Variants in PTPRD observed in about 807,000 individuals in gnomAD.
PTPRD encodes the protein receptor-type tyrosine-protein phosphatase delta.
PTPRD carries 34 observed loss-of-function variants against 214.5 expected under a neutral mutation model. The observed-to-expected ratio is 0.16, with a 90% CI of 0.12 to 0.21. PTPRD has a LOEUF of 0.21. Among genes scored for constraint, PTPRD ranks in the 10% least tolerant of loss-of-function variants. The probability of loss-of-function intolerance (pLI) is 1.00; values close to 1 mark genes in which losing one functional copy is unlikely to be tolerated. For synonymous variants in PTPRD, 1,128 were observed against 845.7 expected (o/e 1.33, Z -5.79); for missense variants, 2,545 against 2,398.7 (o/e 1.06, Z -1.27).
At chr9:8,852,834 T>C (rs1349093879) in intron 11 of PTPRD, among the ~76,000 whole-genome samples, 3 of 152,188 alleles carry the variant, frequency 2.0e-5, no homozygotes, top group Non-Finnish European at 2.9e-5. Context: ...AGTATTAATA[T>C]GGTCCTGTTA....
At chr9:8,383,885 T>C (rs2086038955) in intron 37 of PTPRD, among the ~76,000 whole-genome samples, 1 of 152,192 alleles carries the variant, frequency 6.6e-6, no homozygotes, top group South Asian at 2.1e-4. Context: ...TCAGATATAT[T>C]CTAACCCTGA....
At chr9:9,259,240 G>A (rs1035858344) in intron 9 of PTPRD, among the ~76,000 whole-genome samples, 1 of 151,838 alleles carries the variant, frequency 6.6e-6, no homozygotes, top group Non-Finnish European at 1.5e-5. Context: ...ATAGCCCAGG[G>A]TTCTTTATAA....
At chr9:8,929,780 G>GTATATATGTCTATATATAT (rs1272978143) in intron 11 of PTPRD, among the ~76,000 whole-genome samples, 1 of 82,422 alleles carries the variant, frequency 1.2e-5, no homozygotes, top group Non-Finnish European at 2.2e-5. Context: ...TATATATATG[G>GTATATATGTCTATATATAT]GTGTGTATAT....
intron 11 of PTPRD, among the ~76,000 whole-genome samples, chr9:8,779,391 C>T (rs1227619905): frequency 6.6e-6 from 1 of 151,968 alleles, no homozygotes; most frequent in African/African-American, 2.4e-5. Flanking sequence ...TTCAACATCA[C>T]ATGTCATGGG....
chr9:9,898,891 C>T (rs538977016), intron 5 of PTPRD, among the ~76,000 whole-genome samples: 5 of 151,980 alleles, frequency 3.3e-5, no homozygotes, highest in African/African-American at 1.2e-4. Context: ...TATGAGTTTA[C>T]GCATATCCCA....
chr9:8,443,109 C>A (rs1202799528), intron 34 of PTPRD, among the ~76,000 whole-genome samples: 3 of 152,210 alleles, frequency 2.0e-5, no homozygotes, highest in South Asian at 2.1e-4. Context: ...TGTGCCACTG[C>A]ACTCGAGCCT....
At chr9:9,699,740 G>C (rs1319473670) in intron 7 of PTPRD, among the ~76,000 whole-genome samples, 1 of 152,134 alleles carries the variant, frequency 6.6e-6, no homozygotes, top group East Asian at 1.9e-4. Context: ...AGTTTTAGTA[G>C]TTGAAAATTA....
chr9:9,781,746 G>C (rs746150408), intron 5 of PTPRD, among the ~76,000 whole-genome samples: 1 of 151,582 alleles, frequency 6.6e-6, no homozygotes, highest in African/African-American at 2.4e-5. Context: ...GATTTGCTAA[G>C]TCCCATCTCC....
intron 11 of PTPRD, among the ~76,000 whole-genome samples, chr9:8,951,926 T>G (rs2099104095): frequency 6.6e-6 from 1 of 152,188 alleles, no homozygotes; most frequent in South Asian, 2.1e-4. Flanking sequence ...AAGAACTTAC[T>G]ATGGTGTACA....
intron 2 of PTPRD, among the ~76,000 whole-genome samples, chr9:10,415,919 C>G (rs1432831148): frequency 6.6e-6 from 1 of 151,832 alleles, no homozygotes; most frequent in East Asian, 2.0e-4. Context: ...AGAGAGAGAA[C>G]ATTTACAGGA....
At position 9,211,298 on chromosome 9, in the gene PTPRD, C is replaced by A. The variant is rs185938798; in HGVS notation, c.-202-27935G>T. 3.4e-4 allele frequency among the ~76,000 whole-genome samples: 51 copies of A among 152,160 alleles called. 1 individual carries two copies. In the East Asian group the frequency reaches 9.7e-3, roughly 29 times the overall value. On this transcript the variant is annotated intron_variant, in intron 9 of 45. Coordinates refer to ENST00000381196, the MANE Select transcript of PTPRD (RefSeq NM_002839.4). Reference sequence around the variant, plus strand: ...TGGCTCTGAGACCTCAGCCATATTACCTTTTGTAAAACCTCAGTATACTCA... The same window carrying A: ...TGGCTCTGAGACCTCAGCCATATTAACTTTTGTAAAACCTCAGTATACTCA...
intron 14 of PTPRD, among the ~76,000 whole-genome samples, chr9:8,604,203 T>C (rs963649289): frequency 3.3e-5 from 5 of 152,176 alleles, no homozygotes; most frequent in African/African-American, 9.7e-5. Flanking sequence ...GGGAGACCCA[T>C]GCATGAAGTA....
intron 39 of PTPRD, among the ~76,000 whole-genome samples, chr9:8,371,667 C>A (rs2081565052): frequency 6.6e-6 from 1 of 152,034 alleles, no homozygotes; most frequent in South Asian, 2.1e-4. Flanking sequence ...TAAAGAAATT[C>A]ATGCTCAAAT....
intron 3 of PTPRD, among the ~76,000 whole-genome samples, chr9:10,327,467 G>C (rs1354764374): frequency 1.3e-5 from 2 of 151,220 alleles, no homozygotes; most frequent in Admixed American, 6.6e-5. Flanking sequence ...AAGGTCTCAC[G>C]TGTGTGTGTA....
intron 11 of PTPRD, among the ~76,000 whole-genome samples, chr9:8,851,284 C>T (rs1018496640): frequency 1.3e-5 from 2 of 151,868 alleles, no homozygotes; most frequent in African/African-American, 4.8e-5. Flanking sequence ...ACTGAAACTC[C>T]AAATCAAATA....
intron 4 of PTPRD, among the ~76,000 whole-genome samples, chr9:9,981,838 T>C (rs2095553983): frequency 6.6e-6 from 1 of 152,190 alleles, no homozygotes; most frequent in Non-Finnish European, 1.5e-5. Context: ...ATATTTATTT[T>C]ACTTGCTTAT....
intron 5 of PTPRD, among the ~76,000 whole-genome samples, chr9:9,844,877 A>C (rs558497230): frequency 8.6e-5 from 13 of 151,594 alleles, no homozygotes; most frequent in African/African-American, 2.9e-4. Flanking sequence ...AAAACAAATA[A>C]ATAAAAGAAA....
intron 11 of PTPRD, among the ~76,000 whole-genome samples, chr9:8,976,803 T>C (rs893490994): frequency 6.6e-5 from 10 of 152,106 alleles, no homozygotes; most frequent in African/African-American, 2.4e-4. Context: ...GAGGTGGATA[T>C]TGTTGATTTT....
chr9:9,232,331 A>G (rs549897490), intron 9 of PTPRD, among the ~76,000 whole-genome samples: 1 of 152,310 alleles, frequency 6.6e-6, no homozygotes, highest in East Asian at 1.9e-4. Context: ...CTGGAATACT[A>G]AAGTACTAAA....
Sources: gnomAD v4.1 joint callset for allele counts (sites outside exome capture counted in the v4.1 genomes callset) on GRCh38, gnomAD v4.1.1 for gene constraint, MANE v1.5 for transcripts, NCBI Gene and HGNC (gene_info 2026-07-23, HGNC 2026-07-21) for gene names.